Variants in MGAT5 observed in about 807,000 individuals in gnomAD.
MGAT5 encodes the protein alpha-1,6-mannosylglycoprotein 6-beta-N-acetylglucosaminyltransferase.
A neutral mutation model predicts 94.3 loss-of-function variants in MGAT5; 30 were observed. The ratio of observed to expected loss-of-function variants is 0.32; its 90% CI spans 0.24 to 0.43. The LOEUF (loss-of-function observed/expected upper bound fraction) is 0.43, where lower values mean the gene tolerates loss of function less well. Ranked by LOEUF, MGAT5 falls within the 20% of genes least tolerant of loss-of-function variation. The pLI, the probability that MGAT5 is intolerant of heterozygous loss-of-function variation, is 1.00. For missense variants in MGAT5, 691 were observed against 905.5 expected, an observed-to-expected ratio of 0.76 and a Z score of 3.04; for synonymous variants, 310 against 322.9, an observed-to-expected ratio of 0.96 and a Z score of 0.43.
intron 2 of MGAT5, among the ~76,000 whole-genome samples, chr2:134,310,331 G>T (rs1686573045): frequency 2.0e-5 from 3 of 152,200 alleles, no homozygotes; most frequent in Non-Finnish European, 4.4e-5. Flanking sequence ...AGAGTGCTTT[G>T]CATATGGAAG....
chr2:134,217,560 A>G (rs1680563044), intron 1 of MGAT5, among the ~76,000 whole-genome samples: 1 of 152,218 alleles, frequency 6.6e-6, no homozygotes, highest in African/African-American at 2.4e-5. Context: ...CAGTGCAGCA[A>G]TTAACCTCAG....
chr2:134,422,140 A>G (rs1684337507), intron 12 of MGAT5, among the ~76,000 whole-genome samples: 1 of 149,022 alleles, frequency 6.7e-6, no homozygotes, highest in Non-Finnish European at 1.5e-5. Context: ...ACTGGGCAAC[A>G]GAGCAAGACC....
At chr2:134,184,520 A>G (rs1483090935) in intron 1 of MGAT5, among the ~76,000 whole-genome samples, 1 of 152,118 alleles carries the variant, frequency 6.6e-6, no homozygotes, top group Non-Finnish European at 1.5e-5. Flanking sequence ...TTTTTAGAGA[A>G]GTCTTCCTTC....
chr2:134,242,536 C>T (rs770898663), intron 1 of MGAT5, among the ~76,000 whole-genome samples: 1 of 152,122 alleles, frequency 6.6e-6, no homozygotes. Flanking sequence ...TCTGATCTGC[C>T]CCTGCTCTTA....
chr2:134,236,190 G>A (rs371417469), intron 1 of MGAT5, among the ~76,000 whole-genome samples: 1 of 152,126 alleles, frequency 6.6e-6, no homozygotes, highest in Non-Finnish European at 1.5e-5. Context: ...TGTTCTTCAC[G>A]GGTCCCATGA....
At chr2:134,146,484 C>CA (rs1362254687) in intron 1 of MGAT5, among the ~76,000 whole-genome samples, 11 of 151,924 alleles carry the variant, frequency 7.2e-5, no homozygotes, top group African/African-American at 2.2e-4. Flanking sequence ...CTTTTGAGCC[C>CA]AGGAGGTTGA....
intron 12 of MGAT5, among the ~76,000 whole-genome samples, chr2:134,416,474 C>CTTTTTTTTTTTTTTTTTTTTTTTT (rs71275904): frequency 2.2e-5 from 3 of 139,210 alleles, no homozygotes; most frequent in Admixed American, 7.2e-5. Flanking sequence ...TCATTCCTTA[C>CTTTTTTTTTTTTTTTTTTTTTTTT]TTTTTTTTTT....
chr2:134,339,224 G>C (rs1448900199), intron 6 of MGAT5, among the ~76,000 whole-genome samples: 1 of 152,162 alleles, frequency 6.6e-6, no homozygotes, highest in Admixed American at 6.5e-5. Context: ...GTCACCAAAT[G>C]GTTGTGTATG....
chr2:134,149,103 G>T (rs900258243), intron 1 of MGAT5, among the ~76,000 whole-genome samples: 1 of 152,034 alleles, frequency 6.6e-6, no homozygotes, highest in Non-Finnish European at 1.5e-5. Flanking sequence ...TATCCCTCCA[G>T]GCTTAATTTA....
intron 14 of MGAT5, among the ~76,000 whole-genome samples, chr2:134,440,925 G>C (rs1685453610): frequency 6.6e-6 from 1 of 152,114 alleles, no homozygotes; most frequent in South Asian, 2.1e-4. Flanking sequence ...TGTGTGTATA[G>C]CTCACATTTG....
intron 1 of MGAT5, among the ~76,000 whole-genome samples, chr2:134,228,338 T>C (rs1426675719): frequency 6.6e-6 from 1 of 152,190 alleles, no homozygotes; most frequent in Non-Finnish European, 1.5e-5. Flanking sequence ...CTTGGCAAAT[T>C]ATAGGGTAAG....
At chr2:134,414,607 A>G (rs949058117) in intron 12 of MGAT5, among the ~76,000 whole-genome samples, 1 of 152,034 alleles carries the variant, frequency 6.6e-6, no homozygotes, top group Admixed American at 6.6e-5. Context: ...TTAAATAGAT[A>G]TTTTTTTCAT....
chr2:134,209,170 A>ATTTTTTTTTTTTTTTTTT (rs1282687888), intron 1 of MGAT5, among the ~76,000 whole-genome samples: 2 of 30,706 alleles, frequency 6.5e-5, no homozygotes, highest in African/African-American at 2.8e-4. Context: ...TTTTTTTTTT[A>ATTTTTTTTTTTTTTTTTT]TTTTTTTTTT....
At chr2:134,345,608 G>C (rs1156557613) in intron 8 of MGAT5, among the ~76,000 whole-genome samples, 2 of 152,176 alleles carry the variant, frequency 1.3e-5, no homozygotes, top group East Asian at 3.9e-4. Context: ...CCTGAGTGTG[G>C]GTTTGGGACC....
intron 6 of MGAT5, among the ~76,000 whole-genome samples, chr2:134,340,640 TAG>T (rs1346419977): frequency 1.4e-4 from 22 of 152,166 alleles, no homozygotes; most frequent in Non-Finnish European, 2.9e-4. Context: ...TTACAAACCT[TAG>T]AGTTACCTCA....
chr2:134,387,685 G>C (rs1375893082), intron 10 of MGAT5, among the ~76,000 whole-genome samples: 1 of 151,930 alleles, frequency 6.6e-6, no homozygotes, highest in African/African-American at 2.4e-5. Context: ...CCTCATGTTG[G>C]AGGGAAGGAG....
chr2:134,128,138 A>G (rs1177254543), intron 1 of MGAT5, among the ~76,000 whole-genome samples: 2 of 151,922 alleles, frequency 1.3e-5, no homozygotes, highest in Non-Finnish European at 2.9e-5. Flanking sequence ...AGAGGCTGAG[A>G]TGGAAGGATT....
chr2:134,403,195 A>T lies in MGAT5; in HGVS notation c.1530+58A>T. The T allele has an allele frequency of 6.6e-6, 10 of 1,506,944 alleles. No individual in the cohort carries two copies. In the South Asian group the frequency reaches 1.3e-4, roughly 20 times the overall value. 93.3% of individuals were successfully genotyped at this position (1,506,944 alleles called of 1,614,324 possible). A position where few individuals can be genotyped will look rare whatever the true frequency, so the allele number is the denominator to read the frequency against. Reference sequence around the variant, plus strand: ...TATTGCCATTGGCTGTGAAAATGGGATCAGAATATTTCATGCTTGTTTTTC... The same window carrying T: ...TATTGCCATTGGCTGTGAAAATGGGTTCAGAATATTTCATGCTTGTTTTTC... On this transcript the variant is annotated intron_variant, in intron 11 of 15. Coordinates refer to ENST00000281923, the MANE Select transcript of MGAT5 (RefSeq NM_002410.5).
intron 11 of MGAT5, among the ~76,000 whole-genome samples, chr2:134,407,632 T>G (rs1683417896): frequency 6.6e-6 from 1 of 152,224 alleles, no homozygotes; most frequent in Non-Finnish European, 1.5e-5. Context: ...TTCTAGGCCT[T>G]AGTCTAGCCA....
Sources: allele counts gnomAD v4.1 joint callset (sites outside exome capture counted in the v4.1 genomes callset), GRCh38; gene constraint gnomAD v4.1.1; transcripts MANE v1.5; gene names NCBI Gene and HGNC (gene_info 2026-07-23, HGNC 2026-07-21).